DGLUCY: variants seen among roughly 807,000 people sequenced by gnomAD.
DGLUCY encodes D-glutamate cyclase, also known as D-glutamate cyclase, mitochondrial.
A neutral mutation model predicts 58.5 loss-of-function variants in DGLUCY; 58 were observed. The observed-to-expected ratio is 0.99, with a 90% CI of 0.80 to 1.23. The LOEUF is 1.23. Among genes scored for constraint, DGLUCY ranks in the 50% most tolerant of loss-of-function variants. The probability of loss-of-function intolerance (pLI) is 0.00; values close to 1 mark genes in which losing one functional copy is unlikely to be tolerated. For missense variants in DGLUCY, 779 were observed against 784.7 expected (o/e 0.99, Z 0.09); for synonymous variants, 325 against 314.1 (o/e 1.03, Z -0.37).
rs955366735 is a variant in DGLUCY, at chr14:91,096,023, T to C, written c.-82+35319T>C. 7.9e-5 allele frequency among the ~76,000 whole-genome samples: 12 copies of C among 152,256 alleles called. 1 individual carries two copies. The South Asian group carries it at 2.5e-3, about 32-fold the overall frequency. On this transcript the variant is annotated intron_variant, in intron 1 of 4. Coordinates refer to the DGLUCY transcript ENST00000521334. Reference sequence around the variant, plus strand: ...CACTCATGGCCTCTGGGGATAATGGTATAACTCAAAGGAATGACAAGGATT... The same window carrying C: ...CACTCATGGCCTCTGGGGATAATGGCATAACTCAAAGGAATGACAAGGATT...
chr14:91,185,854 G>A (rs1311808029), intron 8 of DGLUCY, among the ~76,000 whole-genome samples: 2 of 152,156 alleles, frequency 1.3e-5, no homozygotes, highest in Non-Finnish European at 2.9e-5. Context: ...GGCTGGGGGA[G>A]GCAGATTTAC....
At chr14:91,168,333 C>A (rs1345332517) in intron 4 of DGLUCY, among the ~76,000 whole-genome samples, 1 of 1,588 alleles carries the variant, frequency 6.3e-4, no homozygotes, top group Non-Finnish European at 0.038. Flanking sequence ...TCAGCCTGAT[C>A]TCAAGCCCAT....
intron 11 of DGLUCY, among the ~76,000 whole-genome samples, chr14:91,204,053 C>G (rs902907487): frequency 2.6e-5 from 4 of 152,216 alleles, no homozygotes; most frequent in African/African-American, 9.6e-5. Context: ...ATCTTGAACA[C>G]CATTCATTTC....
At chr14:91,219,766 G>A (rs1887151663) in intron 13 of DGLUCY, among the ~76,000 whole-genome samples, 1 of 152,190 alleles carries the variant, frequency 6.6e-6, no homozygotes, top group African/African-American at 2.4e-5. Flanking sequence ...CGTCATCAAG[G>A]GCCAAGAGCC....
chr14:91,173,207 G>A, intron 5 of DGLUCY, 82 bp from the exon 6 acceptor site: 2 of 1,498,914 alleles, frequency 1.3e-6, no homozygotes, highest in Non-Finnish European at 1.8e-6. Flanking sequence ...TAGCTGCCTT[G>A]AACTCTTGGT....
intron 1 of DGLUCY, among the ~76,000 whole-genome samples, chr14:91,149,719 CTG>C (rs1222697315): frequency 3.3e-5 from 5 of 152,356 alleles, no homozygotes; most frequent in East Asian, 3.9e-4. Context: ...GCCAAGCAAA[CTG>C]TGAAACAGAA....
At chr14:91,188,854 C>A (rs796137876) in intron 8 of DGLUCY, 56 bp from the exon 9 acceptor site, 1 of 1,516,334 alleles carries the variant, frequency 6.6e-7, no homozygotes, top group Non-Finnish European at 8.9e-7. Flanking sequence ...TACATACATA[C>A]ATACAAATAA....
At chr14:91,168,728 C>T (rs1299477286) in intron 4 of DGLUCY, among the ~76,000 whole-genome samples, 3 of 152,216 alleles carry the variant, frequency 2.0e-5, no homozygotes, top group Non-Finnish European at 4.4e-5. Flanking sequence ...ACATTCCTTG[C>T]TGTGTATTGC....
chr14:91,215,846 T>A (rs1312135851), intron 13 of DGLUCY: 20 of 986,932 alleles, frequency 2.0e-5, no homozygotes, highest in Non-Finnish European at 2.7e-5. Context: ...AAAATGGGGG[T>A]GGTCAGCATT....
upstream of DGLUCY, among the ~76,000 whole-genome samples, chr14:91,113,290 ACT>A (rs1398897893): frequency 1.3e-5 from 2 of 152,134 alleles, no homozygotes; most frequent in Non-Finnish European, 2.9e-5. Context: ...ACAGAGCAAG[ACT>A]CTGTCTCAAA....
intron 1 of DGLUCY, chr14:91,115,083 CCTT>C (rs1202606414): frequency 6.6e-6 from 1 of 152,370 alleles, no homozygotes; most frequent in Non-Finnish European, 1.5e-5. Flanking sequence ...CTATAACCCA[CCTT>C]CTTTCATGAG....
intron 2 of DGLUCY, 21 bp from the exon 3 acceptor site, chr14:91,160,245 C>A: frequency 6.9e-7 from 1 of 1,446,712 alleles, no homozygotes; most frequent in Non-Finnish European, 9.7e-7. Context: ...CTAATTTGTT[C>A]CCTTTCCTTC....
At chr14:91,101,956 G>A (rs1042025720) in intron 1 of DGLUCY, among the ~76,000 whole-genome samples, 3 of 152,166 alleles carry the variant, frequency 2.0e-5, no homozygotes, top group Non-Finnish European at 4.4e-5. Flanking sequence ...GCCTCCCAAA[G>A]TGTTGAAATT....
intron 1 of DGLUCY, among the ~76,000 whole-genome samples, chr14:91,125,214 A>C (rs945871172): frequency 1.3e-5 from 2 of 152,206 alleles, no homozygotes; most frequent in Non-Finnish European, 2.9e-5. Flanking sequence ...CCCTTTCTGC[A>C]GAAAGTGTAA....
intron 13 of DGLUCY, among the ~76,000 whole-genome samples, chr14:91,221,304 T>A (rs998340292): frequency 1.3e-5 from 2 of 152,192 alleles, no homozygotes; most frequent in Non-Finnish European, 2.9e-5. Flanking sequence ...GATGACTTAT[T>A]TGTCCCTACT....
intron 1 of DGLUCY, among the ~76,000 whole-genome samples, chr14:91,065,252 T>G (rs1475808031): frequency 6.6e-6 from 1 of 152,150 alleles, no homozygotes; most frequent in Non-Finnish European, 1.5e-5. Context: ...CCAGTGGAGT[T>G]AGAAAGCCTG....
At chr14:91,196,746 A>T (rs1417799356) in intron 10 of DGLUCY, among the ~76,000 whole-genome samples, 1 of 13,086 alleles carries the variant, frequency 7.6e-5, no homozygotes, top group Non-Finnish European at 2.1e-4. Flanking sequence ...CATAGCACTA[A>T]AAAAAAAAAA....
intron 3 of DGLUCY, among the ~76,000 whole-genome samples, chr14:91,166,829 A>C (rs1246482530): frequency 6.6e-6 from 1 of 151,614 alleles, no homozygotes. Flanking sequence ...GGCTGGGCGC[A>C]ATGGCTCATG....
chr14:91,081,686 A>G (rs1278449982), intron 1 of DGLUCY, among the ~76,000 whole-genome samples: 4 of 151,698 alleles, frequency 2.6e-5, no homozygotes, highest in African/African-American at 9.7e-5. Context: ...TCCTTTCTCT[A>G]TCTTCAAAGG....
Sources: allele counts gnomAD v4.1 joint callset (sites outside exome capture counted in the v4.1 genomes callset), GRCh38; gene constraint gnomAD v4.1.1; transcripts MANE v1.5; gene names NCBI Gene and HGNC (gene_info 2026-07-23, HGNC 2026-07-21).